Variants in PIK3C2G observed in about 807,000 individuals in gnomAD.
PIK3C2G encodes the protein phosphatidylinositol 3-kinase C2 domain-containing subunit gamma.
PIK3C2G carries 168 observed loss-of-function variants against 181.1 expected under a neutral mutation model. The ratio of observed to expected loss-of-function variants is 0.93; its 90% CI spans 0.82 to 1.05. PIK3C2G has a LOEUF of 1.05. PIK3C2G is among the 50% of genes least tolerant of loss of function. PIK3C2G has a pLI of 0.00. For synonymous variants in PIK3C2G, 573 were observed against 592.2 expected, an observed-to-expected ratio of 0.97 and a Z score of 0.47; for missense variants, 1,869 against 1,732.8, an observed-to-expected ratio of 1.08 and a Z score of -1.40.
intron 1 of PIK3C2G, among the ~76,000 whole-genome samples, chr12:18,269,447 CATT>C (rs1370041342): frequency 2.0e-5 from 3 of 152,084 alleles, no homozygotes; most frequent in African/African-American, 7.2e-5. Flanking sequence ...AGTAATGAAA[CATT>C]ATCTCCCCTA....
intron 26 of PIK3C2G, among the ~76,000 whole-genome samples, chr12:18,551,565 A>G (rs903049917): frequency 6.6e-6 from 1 of 152,134 alleles, no homozygotes; most frequent in Non-Finnish European, 1.5e-5. Flanking sequence ...TTTAGTAAGT[A>G]TATGATCTGC....
At chr12:18,684,662 A>G in the PIK3C2G span, among the ~76,000 whole-genome samples, 1 of 152,100 alleles carries the variant, frequency 6.6e-6, no homozygotes, top group Non-Finnish European at 1.5e-5. Flanking sequence ...ATCATTATGC[A>G]ATATGACTGA....
At chr12:18,491,421 T>C in intron 19 of PIK3C2G, 30 bp from the exon 20 acceptor site, 1 of 1,154,648 alleles carries the variant, frequency 8.7e-7, no homozygotes, top group Non-Finnish European at 1.3e-6. Flanking sequence ...TTACATTTTC[T>C]TAAATCCTTT....
chr12:18,292,158 C>T (rs1466660545), intron 4 of PIK3C2G, among the ~76,000 whole-genome samples: 6 of 134,426 alleles, frequency 4.5e-5, no homozygotes, highest in African/African-American at 1.4e-4. Context: ...TGCAGTGAGC[C>T]GAGATCGCAC....
At chr12:18,688,755 C>T in the PIK3C2G span, among the ~76,000 whole-genome samples, 54 of 151,974 alleles carry the variant, frequency 3.6e-4, no homozygotes, top group South Asian at 0.011. Context: ...ATTTGCCAAG[C>T]TAATTGTTGA....
intron 15 of PIK3C2G, among the ~76,000 whole-genome samples, chr12:18,396,459 C>T (rs912688716): frequency 1.3e-5 from 2 of 151,334 alleles, no homozygotes; most frequent in African/African-American, 2.4e-5. Context: ...AACAAAGCCA[C>T]GATGTCTGCT....
chr12:18,400,748 C>T (rs995764950), intron 16 of PIK3C2G, among the ~76,000 whole-genome samples: 8 of 152,060 alleles, frequency 5.3e-5, no homozygotes, highest in Admixed American at 3.3e-4. Flanking sequence ...TTACTAGCTT[C>T]TCAGTCACCC....
intron 26 of PIK3C2G, among the ~76,000 whole-genome samples, chr12:18,557,871 C>T (rs1188495245): frequency 6.6e-6 from 1 of 152,066 alleles, no homozygotes; most frequent in Non-Finnish European, 1.5e-5. Flanking sequence ...CTAAATAGAA[C>T]GATATACCAC....
the PIK3C2G span, among the ~76,000 whole-genome samples, chr12:18,675,307 A>G: frequency 2.0e-5 from 3 of 152,082 alleles, no homozygotes; most frequent in Non-Finnish European, 4.4e-5. Context: ...GTTTCAAGCC[A>G]CTCTGTTTTG....
intron 16 of PIK3C2G, among the ~76,000 whole-genome samples, chr12:18,410,311 C>T (rs1368150954): frequency 1.3e-5 from 2 of 151,992 alleles, no homozygotes; most frequent in Non-Finnish European, 2.9e-5. Context: ...TTGAGACCAG[C>T]CTGGCCAACA....
intron 18 of PIK3C2G, among the ~76,000 whole-genome samples, chr12:18,437,804 T>C (rs2135803936): frequency 6.6e-6 from 1 of 152,092 alleles, no homozygotes. Context: ...GATAATCAAT[T>C]ACTAGATATT....
At position 18,563,473 on chromosome 12, in the gene PIK3C2G, C is replaced by T. The variant is rs891861301; in HGVS notation, c.3877C>T (p.Gln1293Ter). The change falls in exon 28 of 33, where the codon CAG becomes TAG. Residue 1293 changes from glutamine (Q) to a stop codon, truncating the protein, a stop_gained. Transcript: ENST00000538779. LOFTEE classifies it high-confidence loss of function. ...AAAACTTCACAGCCAACTTCAGAAGCAGTTTGCATCACTGACTCTCCCAGA... is the reference window on the plus strand; with the variant it reads ...AAAACTTCACAGCCAACTTCAGAAGTAGTTTGCATCACTGACTCTCCCAGA... ...FSKLHSQLQKQFASLTLPEFP... is the reference protein window; with the variant it reads ...FSKLHSQLQK The T allele has an allele frequency of 1.9e-6, 3 of 1,613,706 alleles. No individual in the cohort carries two copies. The highest frequency in any genetic ancestry group is 2.5e-6 in the Non-Finnish European group (3 of 1,179,696).
At chr12:18,645,117 G>A (rs1950047860) in intron 32 of PIK3C2G, among the ~76,000 whole-genome samples, 1 of 152,002 alleles carries the variant, frequency 6.6e-6, no homozygotes, top group South Asian at 2.1e-4. Flanking sequence ...ATTAGAAAAA[G>A]AAATTAAAAG....
intron 31 of PIK3C2G, among the ~76,000 whole-genome samples, 163 bp downstream of exon 31, chr12:18,609,792 G>A (rs1948243041): frequency 6.6e-6 from 1 of 152,004 alleles, no homozygotes; most frequent in African/African-American, 2.4e-5. Context: ...CGGGATGATT[G>A]TGATCCTTGG....
intron 30 of PIK3C2G, among the ~76,000 whole-genome samples, chr12:18,606,538 A>T (rs760430448): frequency 2.0e-5 from 3 of 152,146 alleles, no homozygotes; most frequent in Non-Finnish European, 4.4e-5. Flanking sequence ...CAATTGTAAA[A>T]AACATCCTTT....
At position 18,282,564 on chromosome 12, in the gene PIK3C2G, A is replaced by G. The variant is rs61755374; in HGVS notation, c.483A>G (p.Glu161=). The change falls in exon 2 of 33, where the codon GAA becomes GAG. Residue 161 remains glutamate, a synonymous_variant. Transcript: ENST00000538779. ...AAATTAATCTAGAGAAAGAATTAGA[A>G]AATGAAAATCATAACTACCATATAG... ...LDKINLEKEL[E]NENHNYHIGF... is the part of the protein sequence containing the mutation. 3.3e-3 allele frequency: 5,251 copies of G among 1,612,104 alleles called. 86 individuals are homozygous for G. Among genetic ancestry groups the G allele is most frequent in the South Asian group, 0.026 (2,345 of 91,042 alleles).
chr12:18,699,102 T>C, the PIK3C2G span, among the ~76,000 whole-genome samples: 2 of 152,142 alleles, frequency 1.3e-5, no homozygotes, highest in South Asian at 2.1e-4. Context: ...ACCTCAGTTT[T>C]AGAATTAGAG....
At chr12:18,375,252 G>T (rs180689049) in intron 13 of PIK3C2G, among the ~76,000 whole-genome samples, 21 of 152,332 alleles carry the variant, frequency 1.4e-4, no homozygotes, top group Admixed American at 4.6e-4. Flanking sequence ...AGGCTGACAA[G>T]GTCTCAGTTG....
intron 1 of PIK3C2G, among the ~76,000 whole-genome samples, chr12:18,268,799 G>T (rs1016087308): frequency 6.6e-6 from 1 of 151,924 alleles, no homozygotes; most frequent in African/African-American, 2.4e-5. Context: ...ACTTACCATT[G>T]GTTTTACCTA....
Sources: gnomAD v4.1 joint callset for allele counts (sites outside exome capture counted in the v4.1 genomes callset) on GRCh38, gnomAD v4.1.1 for gene constraint, MANE v1.5 for transcripts, NCBI Gene and HGNC (gene_info 2026-07-23, HGNC 2026-07-21) for gene names.